Variants in ZNF365 observed in about 807,000 individuals in gnomAD.
The protein encoded by ZNF365 is zinc finger protein 365.
Under a neutral mutation model 35.0 loss-of-function variants are expected in ZNF365, and 22 were observed. The observed-to-expected ratio is 0.63, with a 90% CI of 0.45 to 0.90. The LOEUF (loss-of-function observed/expected upper bound fraction) is 0.90, where lower values mean the gene tolerates loss of function less well. ZNF365 is among the 40% of genes least tolerant of loss of function. The pLI is 0.00. For synonymous variants in ZNF365, 188 were observed against 196.2 expected (o/e 0.96, Z 0.35); for missense variants, 448 against 500.3 (o/e 0.90, Z 1.00).
At chr10:62,421,866 A>G (rs1201835221) in intron 3 of ZNF365, among the ~76,000 whole-genome samples, 1 of 152,242 alleles carries the variant, frequency 6.6e-6, no homozygotes, top group East Asian at 1.9e-4. Context: ...TATAGTTGTT[A>G]CAGATGTGAA....
At position 62,401,363 on chromosome 10, in the gene ZNF365, A is replaced by T; in HGVS notation, c.*1574A>T. 5 of 985,546 alleles carry T rather than the reference A, an allele frequency of 5.1e-6. No individual in the cohort carries two copies. Among genetic ancestry groups the T allele is most frequent in the Non-Finnish European group, 6.0e-6 (5 of 829,924 alleles). 61.1% of individuals were successfully genotyped at this position (985,546 alleles called of 1,614,324 possible). A position where few individuals can be genotyped will look rare whatever the true frequency, so the allele number is the denominator to read the frequency against. On this transcript the variant is annotated 3_prime_UTR_variant, in exon 5 of 5. Coordinates refer to ENST00000395254, the MANE Select transcript of ZNF365 (RefSeq NM_014951.3). ...GCATCAAATTAGCAGCGCATTAAAAATAGGAAATAAAGCAGTTGCTTAAAA... is the reference window on the plus strand; with the variant it reads ...GCATCAAATTAGCAGCGCATTAAAATTAGGAAATAAAGCAGTTGCTTAAAA...
chr10:62,381,091 G>A (rs1489367204), intron 2 of ZNF365, among the ~76,000 whole-genome samples: 1 of 152,164 alleles, frequency 6.6e-6, no homozygotes, highest in Non-Finnish European at 1.5e-5. Flanking sequence ...GTTTTGAGAA[G>A]TGCCTCAATA....
In ZNF365 at chr10:62,399,741, G is replaced by T. The variant is rs1225384358; in HGVS notation, c.1176G>T (p.Arg392Ser). The T allele has an allele frequency of 4.3e-6, 7 of 1,613,768 alleles. No homozygotes were observed. The highest frequency in any genetic ancestry group is 1.1e-5 in the South Asian group (1 of 91,064). The change falls in exon 5 of 5, where the codon AGG becomes AGT. Residue 392 changes from arginine (R) to serine (S), a missense_variant. This residue lies in a region of ZNF365 where 362 missense variants were observed against 375.7 expected (regional missense o/e 0.96). Coordinates refer to ENST00000395254, the MANE Select transcript of ZNF365 (RefSeq NM_014951.3). ...LLGFGRKGNI[R>S]PKMAKKKPTA... ...GGTTTGGCCGCAAAGGCAACATCAG[G>T]CCCAAAATGGCTAAAAAAAAGCCAA... is the stretch of plus-strand genomic sequence containing the variant.
intron 3 of ZNF365, among the ~76,000 whole-genome samples, chr10:62,435,259 A>T (rs1480627138): frequency 6.6e-6 from 1 of 152,128 alleles, no homozygotes; most frequent in African/African-American, 2.4e-5. Context: ...AGGTCCAGGG[A>T]GGATAAAGGA....
chr10:62,377,870 A>T (rs1287649161), intron 2 of ZNF365, among the ~76,000 whole-genome samples: 1 of 152,228 alleles, frequency 6.6e-6, no homozygotes, highest in Non-Finnish European at 1.5e-5. Flanking sequence ...TTTGAGTTCT[A>T]TTATAGAGAT....
chr10:62,424,443 T>C (rs1055181243), intron 3 of ZNF365, among the ~76,000 whole-genome samples: 2 of 152,210 alleles, frequency 1.3e-5, no homozygotes, highest in African/African-American at 4.8e-5. Flanking sequence ...TGATACTAGC[T>C]ATGTCTCATC....
At chr10:62,410,134 C>T (rs1325526107) in intron 3 of ZNF365, among the ~76,000 whole-genome samples, 1 of 152,002 alleles carries the variant, frequency 6.6e-6, no homozygotes, top group African/African-American at 2.4e-5. Flanking sequence ...ATTGTCTTTC[C>T]CTTCCTTTTG....
chr10:62,475,305 C>T (rs1409828675), intron 4 of ZNF365, among the ~76,000 whole-genome samples: 1 of 152,176 alleles, frequency 6.6e-6, no homozygotes, highest in East Asian at 1.9e-4. Context: ...TACCTATAGT[C>T]CCATCTACTC....
At chr10:62,479,959 G>T (rs1232759955) in exon 5 of ZNF365, 1 of 1,606,486 alleles carries the variant, frequency 6.2e-7, no homozygotes, top group East Asian at 2.2e-5. Flanking sequence ...AATTAATTGT[G>T]CCAGAGAAGC....
chr10:62,403,660 A>C (rs995307426), downstream of ZNF365, among the ~76,000 whole-genome samples: 1 of 152,202 alleles, frequency 6.6e-6, no homozygotes, highest in African/African-American at 2.4e-5. Flanking sequence ...TCCATCTCAA[A>C]AAAAACAAAA....
At chr10:62,435,457 A>C (rs147873039) in intron 3 of ZNF365, among the ~76,000 whole-genome samples, 1 of 152,296 alleles carries the variant, frequency 6.6e-6, no homozygotes, top group African/African-American at 2.4e-5. Context: ...GTGATGAAAA[A>C]GGTTAGAGAT....
At chr10:62,388,334 T>G in intron 2 of ZNF365, 62 bp from the exon 3 acceptor site, 1 of 1,594,420 alleles carries the variant, frequency 6.3e-7, no homozygotes, top group Admixed American at 1.7e-5. Flanking sequence ...TAAATATGTG[T>G]TGAATGAGTG....
chr10:62,429,089 A>T (rs1341744989), intron 3 of ZNF365, among the ~76,000 whole-genome samples: 1 of 152,158 alleles, frequency 6.6e-6, no homozygotes, highest in Non-Finnish European at 1.5e-5. Context: ...CTCCAACTAG[A>T]TAAGCCAATG....
chr10:62,441,466 C>G (rs1157934804), intron 3 of ZNF365, among the ~76,000 whole-genome samples: 1 of 152,118 alleles, frequency 6.6e-6, no homozygotes, highest in African/African-American at 2.4e-5. Context: ...AAAATTGAGG[C>G]TCAGAGACAT....
chr10:62,413,836 T>C (rs186600805), intron 3 of ZNF365, among the ~76,000 whole-genome samples: 31 of 152,252 alleles, frequency 2.0e-4, no homozygotes, highest in Non-Finnish European at 3.1e-4. Context: ...CTCTTCACCA[T>C]CCTCTATCAA....
intron 3 of ZNF365, among the ~76,000 whole-genome samples, chr10:62,448,875 G>C (rs570209042): frequency 1.4e-5 from 2 of 146,404 alleles, no homozygotes; most frequent in Non-Finnish European, 2.9e-5. Context: ...AATATTAAAA[G>C]TATAGTTATT....
chr10:62,479,403 C>T (rs759289398), intron 4 of ZNF365, among the ~76,000 whole-genome samples: 2 of 152,142 alleles, frequency 1.3e-5, no homozygotes, highest in Non-Finnish European at 2.9e-5. Flanking sequence ...TATGAAAAGA[C>T]GAACATAGCT....
At chr10:62,465,696 C>T (rs1840931836) in intron 4 of ZNF365, among the ~76,000 whole-genome samples, 1 of 152,200 alleles carries the variant, frequency 6.6e-6, no homozygotes. Context: ...CTCAGTAAAG[C>T]TCCTCTCTGC....
At chr10:62,396,804 G>C (rs973862643) in intron 3 of ZNF365, among the ~76,000 whole-genome samples, 1 of 152,050 alleles carries the variant, frequency 6.6e-6, no homozygotes, top group East Asian at 1.9e-4. Context: ...AGAGCAGTAT[G>C]TATACAAATG....
Sources: gnomAD v4.1 joint callset for allele counts (sites outside exome capture counted in the v4.1 genomes callset) on GRCh38, gnomAD v4.1.1 for gene constraint, gnomAD v4.1.1 regional missense constraint, MANE v1.5 for transcripts, NCBI Gene and HGNC (gene_info 2026-07-23, HGNC 2026-07-21) for gene names.